CMIP: variants seen among roughly 807,000 people sequenced by gnomAD.
CMIP encodes c-Maf inducing protein, also known as C-Maf-inducing protein.
Under a neutral mutation model 97.3 loss-of-function variants are expected in CMIP, and 13 were observed. The ratio of observed to expected loss-of-function variants is 0.13; its 90% CI spans 0.09 to 0.21. The LOEUF is 0.21. Among genes scored for constraint, CMIP ranks in the 10% least tolerant of loss-of-function variants. The pLI, the probability that CMIP is intolerant of heterozygous loss-of-function variation, is 1.00. For missense variants in CMIP, 847 were observed against 1,024.9 expected (o/e 0.83, Z 2.37); for synonymous variants, 538 against 436.3 (o/e 1.23, Z -2.91).
At chr16:81,664,571 AC>A in intron 7 of CMIP, 2 of 579,142 alleles carry the variant, frequency 3.5e-6, no homozygotes, top group Non-Finnish European at 3.1e-6. Context: ...CCTAAGAATT[AC>A]AAAAATACCG....
At chr16:81,611,082 A>G (rs559510940) in intron 2 of CMIP, among the ~76,000 whole-genome samples, 1 of 152,338 alleles carries the variant, frequency 6.6e-6, no homozygotes, top group East Asian at 1.9e-4. Flanking sequence ...GCAGCCACGC[A>G]TGGCAGCCCA....
chr16:81,537,982 G>A (rs112499099), intron 1 of CMIP, among the ~76,000 whole-genome samples: 156 of 152,340 alleles, frequency 1.0e-3, no homozygotes, highest in African/African-American at 3.1e-3. Context: ...CCGGCATTCC[G>A]GACAGAACAA....
intron 1 of CMIP, among the ~76,000 whole-genome samples, chr16:81,543,543 G>A (rs551367856): frequency 4.6e-5 from 7 of 152,252 alleles, no homozygotes; most frequent in Non-Finnish European, 7.4e-5. Context: ...GGTCAGGGTC[G>A]TGGGGGTAAG....
intron 10 of CMIP, among the ~76,000 whole-genome samples, chr16:81,680,420 C>T (rs561986685): frequency 5.3e-5 from 8 of 152,312 alleles, no homozygotes; most frequent in Non-Finnish European, 7.4e-5. Context: ...GGTGAACATG[C>T]GCACACACGT....
intron 1 of CMIP, among the ~76,000 whole-genome samples, chr16:81,447,236 CTT>C (rs147206378): frequency 2.9e-5 from 4 of 136,354 alleles, no homozygotes; most frequent in Non-Finnish European, 3.2e-5. Flanking sequence ...CTTTATTGGG[CTT>C]TTTTTTTTTT....
Position 81,512,333 on chromosome 16 carries a change from C to T in CMIP, c.300+66792C>T, listed in dbSNP as rs558468269. On this transcript the variant is annotated intron_variant, in intron 1 of 20. Transcript: ENST00000537098. ...TCTTGCTGTGGTTGATGGGCAGGTTCTGGTGCTGGCTGCCTGATCTATCCA... is the reference window on the plus strand; with the variant it reads ...TCTTGCTGTGGTTGATGGGCAGGTTTTGGTGCTGGCTGCCTGATCTATCCA... 2.5e-4 allele frequency among the ~76,000 whole-genome samples: 38 copies of T among 152,290 alleles called. No homozygotes were observed. In the South Asian group the frequency reaches 7.3e-3, roughly 29 times the overall value.
At chr16:81,596,321 C>G (rs992647618) in intron 1 of CMIP, among the ~76,000 whole-genome samples, 2 of 152,038 alleles carry the variant, frequency 1.3e-5, no homozygotes, top group Admixed American at 6.5e-5. Flanking sequence ...GCCTGGCCAA[C>G]ATGATGAAAC....
chr16:81,659,790 G>A (rs1341269407), intron 5 of CMIP, among the ~76,000 whole-genome samples: 1 of 152,190 alleles, frequency 6.6e-6, no homozygotes, highest in Admixed American at 6.5e-5. Context: ...TGAGCTTCCC[G>A]GCTCAGCAGG....
At chr16:81,541,613 G>T (rs76082093) in intron 1 of CMIP, among the ~76,000 whole-genome samples, 3 of 152,208 alleles carry the variant, frequency 2.0e-5, no homozygotes, top group African/African-American at 7.2e-5. Context: ...AAATATGAGC[G>T]TGAAGAGAGA....
At chr16:81,601,003 C>A (rs1029049452) in intron 1 of CMIP, among the ~76,000 whole-genome samples, 1 of 152,188 alleles carries the variant, frequency 6.6e-6, no homozygotes, top group Admixed American at 6.5e-5. Context: ...TGGAACCCGA[C>A]TGTGCAGCAT....
chr16:81,553,322 G>A (rs1356577954), intron 1 of CMIP, among the ~76,000 whole-genome samples: 1 of 152,184 alleles, frequency 6.6e-6, no homozygotes, highest in Admixed American at 6.5e-5. Flanking sequence ...GGACCTGGCT[G>A]CAGGGATGTG....
At chr16:81,702,213 C>T (rs1443465723) in intron 16 of CMIP, among the ~76,000 whole-genome samples, 1 of 152,216 alleles carries the variant, frequency 6.6e-6, no homozygotes, top group Non-Finnish European at 1.5e-5. Flanking sequence ...CCTGGAGCAG[C>T]CCTCAACCAG....
At chr16:81,471,763 C>T (rs187235317) in intron 1 of CMIP, among the ~76,000 whole-genome samples, 6 of 152,300 alleles carry the variant, frequency 3.9e-5, no homozygotes, top group Admixed American at 1.3e-4. Context: ...TGAACACAAG[C>T]ACCATGATAC....
chr16:81,588,777 T>C (rs1189211381), intron 1 of CMIP, among the ~76,000 whole-genome samples: 1 of 152,150 alleles, frequency 6.6e-6, no homozygotes, highest in East Asian at 1.9e-4. Context: ...AGGCCCTCTG[T>C]GCTGTACACG....
At chr16:81,617,987 G>A (rs1306326294) in intron 2 of CMIP, among the ~76,000 whole-genome samples, 6 of 152,152 alleles carry the variant, frequency 3.9e-5, no homozygotes, top group Non-Finnish European at 8.8e-5. Flanking sequence ...TGGCCGTTCC[G>A]TCCAGCCGGT....
chr16:81,449,486 T>G (rs749910246), intron 1 of CMIP, among the ~76,000 whole-genome samples: 1 of 152,238 alleles, frequency 6.6e-6, no homozygotes, highest in African/African-American at 2.4e-5. Flanking sequence ...TGGCTTGGTT[T>G]CTACCTAAGA....
chr16:81,687,403 AGGTGCCCAGGCCTG>A (rs1426749121), intron 10 of CMIP, among the ~76,000 whole-genome samples: 1 of 152,114 alleles, frequency 6.6e-6, no homozygotes, highest in Non-Finnish European at 1.5e-5. Flanking sequence ...GGGCCCTCAG[AGGTGCCCAGGCCTG>A]GCTTAGGCGA....
chr16:81,651,717 A>G (rs1028226915), intron 3 of CMIP, among the ~76,000 whole-genome samples: 2 of 152,178 alleles, frequency 1.3e-5, no homozygotes, highest in African/African-American at 2.4e-5. Context: ...GATCTAAAAG[A>G]GAAGTCTCCC....
chr16:81,473,595 T>C (rs1480831706), intron 1 of CMIP, among the ~76,000 whole-genome samples: 1 of 151,192 alleles, frequency 6.6e-6, no homozygotes, highest in Non-Finnish European at 1.5e-5. Context: ...GGGGGTTGAC[T>C]TAAATATTTA....
Sources: allele counts gnomAD v4.1 joint callset (sites outside exome capture counted in the v4.1 genomes callset), GRCh38; gene constraint gnomAD v4.1.1; transcripts MANE v1.5; gene names NCBI Gene and HGNC (gene_info 2026-07-23, HGNC 2026-07-21).